The following F5 variants were observed in gnomAD, a reference collection of about 807,000 sequenced individuals.
F5 encodes coagulation factor V.
Under a neutral mutation model 216.4 loss-of-function variants are expected in F5, and 138 were observed. The observed-to-expected ratio is 0.64, with a 90% confidence interval of 0.56 to 0.73. The LOEUF (loss-of-function observed/expected upper bound fraction) is 0.73. Among genes scored for constraint, F5 ranks in the 30% least tolerant of loss-of-function variants. The probability of loss-of-function intolerance (pLI) is 0.00; values close to 1 mark genes in which losing one functional copy is unlikely to be tolerated. For synonymous variants in F5, 916 were observed against 930.7 expected, an observed-to-expected ratio of 0.98 and a Z score of 0.29; for missense variants, 2,403 against 2,674.0, an observed-to-expected ratio of 0.90 and a Z score of 2.24.
chr1:169,566,408 A>C (rs962853647), intron 3 of F5, among the ~76,000 whole-genome samples: 32 of 151,984 alleles, frequency 2.1e-4, no homozygotes, highest in Non-Finnish European at 4.6e-4. Context: ...TTTCTGGGTA[A>C]ATGTGTGCTC....
rs754392946 is a variant in F5, at chr1:169,527,924, G to C, written c.5590C>G (p.Leu1864Val). 1 of 1,613,474 alleles carries C rather than the reference G, an allele frequency of 6.2e-7. No homozygotes were observed. Among genetic ancestry groups the C allele is most frequent in the Admixed American group, 1.7e-5 (1 of 59,942 alleles). ...ATTACCCAATCTTTACCAGGCAGAA[G>C]GGGCCAGACCCCTAACTGGTGCTGT... ...NKQHQLGVWP[L>V]LPGSFKTLEM... is the part of the protein sequence containing the mutation. Residue 1864 changes from leucine (L) to valine (V), a missense_variant, in exon 17 of 25, where the codon CTT becomes GTT. Physicochemically the swap from Leu to Val is conservative, Grantham distance 32. This residue lies in a region of F5 where 659 missense variants were observed against 787.9 expected (regional missense o/e 0.84). Coordinates refer to ENST00000367797, the MANE Select transcript of F5 (RefSeq NM_000130.5).
At chr1:169,557,712 C>G (rs1894699) in intron 5 of F5, among the ~76,000 whole-genome samples, 90,223 of 151,202 alleles carry the variant, frequency 0.6, 28,350 homozygotes, top group East Asian at 0.87. Context: ...AGATAATGGG[C>G]CTGAGAATCA....
At chr1:169,582,721 C>T (rs1472930955) in intron 1 of F5, among the ~76,000 whole-genome samples, 199 bp from the exon 2 acceptor site, 1 of 152,116 alleles carries the variant, frequency 6.6e-6, no homozygotes. Context: ...TCAAAAATAT[C>T]CTGTTGTGAT....
intron 14 of F5, among the ~76,000 whole-genome samples, chr1:169,531,479 G>T (rs1466097941): frequency 6.6e-6 from 1 of 152,214 alleles, no homozygotes; most frequent in East Asian, 1.9e-4. Context: ...ATATTTAGGA[G>T]TGGTTGGAAG....
chr1:169,546,687 A>G lies in F5; in HGVS notation c.1612-95T>C, dbSNP rs12139696. On this transcript the variant is annotated intron_variant, in intron 10 of 24. Transcript: ENST00000367797. ...TCAGAAATAAGGCTGCGCACCTACA[A>G]CTATCTGATCTGTGACAAAAGCAAG... 0.1 allele frequency: 110,217 copies of G among 1,075,890 alleles called. 6,384 individuals carry two copies. The highest frequency in any genetic ancestry group is 0.11 in the Non-Finnish European group (77,555 of 699,286). The allele number at this position is 1,075,890 out of a possible 1,614,324, so 66.6% of individuals were successfully genotyped here.
chr1:169,552,531 C>T (rs748090304), intron 8 of F5, 26 bp downstream of exon 8: 2 of 1,596,580 alleles, frequency 1.3e-6, no homozygotes, highest in Admixed American at 1.7e-5. Context: ...TAATTTCTCC[C>T]ATGATTCTGT....
chr1:169,548,284 C>A (rs1055808188), intron 10 of F5, among the ~76,000 whole-genome samples: 1 of 152,036 alleles, frequency 6.6e-6, no homozygotes, highest in Admixed American at 6.6e-5. Flanking sequence ...GTACAACAGA[C>A]CTCCATGACA....
intron 11 of F5, 37 bp from the exon 12 acceptor site, chr1:169,544,545 G>A (rs779797965): frequency 2.5e-5 from 38 of 1,545,022 alleles, no homozygotes; most frequent in Non-Finnish European, 2.6e-5. Flanking sequence ...CCAAGTCTAT[G>A]CCAACAAAAG....
At chr1:169,562,610 T>C (rs1443597299) in intron 3 of F5, among the ~76,000 whole-genome samples, 1 of 152,052 alleles carries the variant, frequency 6.6e-6, no homozygotes, top group African/African-American at 2.4e-5. Context: ...TCTCCATTGT[T>C]GCCTTCTTAG....
At chr1:169,580,568 G>A (rs1462446877) in intron 2 of F5, among the ~76,000 whole-genome samples, 1 of 151,968 alleles carries the variant, frequency 6.6e-6, no homozygotes, top group South Asian at 2.1e-4. Context: ...ATTTTCAGTA[G>A]AGGCGGGGTT....
chr1:169,559,227 T>A lies in F5; in HGVS notation c.656A>T (p.Asp219Val). Residue 219 changes from aspartate (D) to valine (V), a missense_variant, in exon 5 of 25, where the codon GAT becomes GTT. Physicochemically the swap from Asp to Val is radical, Grantham distance 152. Around this residue, in one of 4 missense-constraint regions of F5, gnomAD observed 1,425 missense variants for 1,554.8 expected, o/e 0.92. Transcript: ENST00000367797. The stretch of plus-strand genomic sequence containing the variant: ...TGACTGGCTCCAGCTCTTGCTTTCA[T>A]CAAACACAGCAAATAGTAGCACGAT... ...KQIVLLFAVF[D>V]ESKSWSQSSS... 1 of 1,613,842 alleles carries A rather than the reference T, an allele frequency of 6.2e-7. No homozygotes were observed. The highest frequency in any genetic ancestry group is 1.7e-5 in the Admixed American group (1 of 59,986).
chr1:169,553,147 C>G lies in F5; in HGVS notation c.1119-413G>C, dbSNP rs373676761. 4.6e-5 allele frequency among the ~76,000 whole-genome samples: 7 copies of G among 152,290 alleles called. No individual in the cohort carries two copies. In the East Asian group the frequency reaches 7.7e-4, roughly 17 times the overall value. ...TTAATCCCTAAAAGCAACTTCCAAC[C>G]CCAGGAAACATTTACTAGCATTGTT... On this transcript the variant is annotated intron_variant, in intron 7 of 24. Transcript: ENST00000367797.
At chr1:169,564,726 G>A (rs1660560885) in intron 3 of F5, among the ~76,000 whole-genome samples, 1 of 151,976 alleles carries the variant, frequency 6.6e-6, no homozygotes. Context: ...CCCAACTGTG[G>A]AAAATCTATT....
In F5 at chr1:169,541,928, T is replaced by G. The variant is rs149026031; in HGVS notation, c.3162A>C (p.Glu1054Asp). 615 of 1,614,166 alleles carry G rather than the reference T, an allele frequency of 3.8e-4. 2 individuals are homozygous for G. The African/African-American group carries it at 7.0e-3, about 18-fold the overall frequency. Residue 1054 changes from glutamate (E) to aspartate (D), a missense_variant, in exon 13 of 25, where the codon GAA (glutamate) becomes GAC (aspartate). By Grantham distance (45) the Glu-to-Asp change is conservative. Transcript: ENST00000367797. ...TTCTTTCTGAAAATGTGTTGTAGGC[T>G]TCACTTCTTAGAGGGTGAAAGGTCC... ...SPRTFHPLRS[E>D]AYNTFSERRL...
At chr1:169,524,265 G>A (rs1659377882) in intron 19 of F5, among the ~76,000 whole-genome samples, 1 of 152,236 alleles carries the variant, frequency 6.6e-6, no homozygotes, top group Admixed American at 6.5e-5. Context: ...GAAGGGCTTT[G>A]AGGCAGTGTG....
Position 169,552,408 on chromosome 1 carries a change from T to C in F5, c.1296+149A>G. The C allele has an allele frequency of 7.2e-6, 5 of 697,114 alleles. No individual in the cohort carries two copies. In the Admixed American group the frequency reaches 8.7e-5, roughly 12 times the overall value. The allele number at this position is 697,114 out of a possible 1,614,324, so 43.2% of individuals were successfully genotyped here. A position where few individuals can be genotyped will look rare whatever the true frequency, so the allele number is the denominator to read the frequency against. The stretch of plus-strand genomic sequence containing the variant: ...TTTGTATTACTGAGTAAGCTGTAAA[T>C]AAATACAAATACTAAATAAAAACTA... On this transcript the variant is annotated intron_variant, in intron 8 of 24. Coordinates refer to ENST00000367797, the MANE Select transcript of F5 (RefSeq NM_000130.5).
intron 2 of F5, among the ~76,000 whole-genome samples, chr1:169,581,818 G>A (rs1660992493): frequency 6.9e-6 from 1 of 144,616 alleles, no homozygotes; most frequent in Non-Finnish European, 1.6e-5. Context: ...TATGGCTATT[G>A]TATATATCAC....
intron 13 of F5, among the ~76,000 whole-genome samples, chr1:169,539,524 G>A (rs1379634919): frequency 1.3e-5 from 2 of 152,180 alleles, no homozygotes; most frequent in East Asian, 3.8e-4. Flanking sequence ...AGGAAAAGGT[G>A]TTTTAAACAG....
rs1190469407 is a variant in F5, at chr1:169,550,560, C to T, written c.1396+80G>A. 1.3e-5 allele frequency: 14 copies of T among 1,056,008 alleles called. No individual in the cohort carries two copies. The Middle Eastern group carries it at 7.9e-4, about 59-fold the overall frequency. The allele number at this position is 1,056,008 out of a possible 1,614,324, so 65.4% of individuals were successfully genotyped here. A position where few individuals can be genotyped will look rare whatever the true frequency, so the allele number is the denominator to read the frequency against. ...TACCTGACTGCAGTAGTGACACCAC[C>T]GGGCAAGGAGAATAGCAGAAAAATG... is the stretch of plus-strand genomic sequence containing the variant. On this transcript the variant is annotated intron_variant, in intron 9 of 24. Coordinates refer to ENST00000367797, the MANE Select transcript of F5 (RefSeq NM_000130.5).
Sources: allele counts gnomAD v4.1 joint callset (sites outside exome capture counted in the v4.1 genomes callset), GRCh38; gene constraint gnomAD v4.1.1; regional missense constraint gnomAD v4.1.1; transcripts MANE v1.5; gene names NCBI Gene and HGNC (gene_info 2026-07-23, HGNC 2026-07-21).